Variants in GLCCI1 observed in about 807,000 individuals in gnomAD.
The protein encoded by GLCCI1 is glucocorticoid induced 1.
Under a neutral mutation model 52.2 loss-of-function variants are expected in GLCCI1, and 24 were observed. That is an observed-to-expected ratio of 0.46 (90% confidence interval 0.33 to 0.65). The LOEUF is 0.65. GLCCI1 is among the 30% of genes least tolerant of loss of function. GLCCI1 has a pLI of 0.02. For missense variants in GLCCI1, 704 were observed against 701.5 expected (o/e 1.00, Z -0.04); for synonymous variants, 310 against 276.5 (o/e 1.12, Z -1.20).
At chr7:8,048,564 G>A (rs144973910) in intron 3 of GLCCI1, among the ~76,000 whole-genome samples, 1,693 of 152,170 alleles carry the variant, frequency 0.011, 19 homozygotes, top group Non-Finnish European at 0.017. Context: ...ACATACATGA[G>A]TCTTTCCAAG....
chr7:8,039,318 C>A (rs995570137), intron 3 of GLCCI1, among the ~76,000 whole-genome samples: 11 of 151,960 alleles, frequency 7.2e-5, no homozygotes, highest in Non-Finnish European at 1.6e-4. Context: ...ACACTATTCA[C>A]GGTAGCAAAG....
At position 8,071,072 on chromosome 7, in the gene GLCCI1, C is replaced by G. The variant is rs537920233; in HGVS notation, c.1118C>G (p.Pro373Arg). The change falls in exon 6 of 8, where the codon CCG becomes CGG. Residue 373 changes from proline (P) to arginine (R), a missense_variant. Coordinates refer to ENST00000223145, the MANE Select transcript of GLCCI1 (RefSeq NM_138426.4). ...CCCTGTGTCTCCCCTTTTTGTCCCC[C>G]GGAATCCCAGGATGGTAGCCCTTGC... ...HSPCVSPFCPPESQDGSPCST... is the reference protein window; with the variant it reads ...HSPCVSPFCPRESQDGSPCST... The G allele has an allele frequency of 3.1e-6, 5 of 1,614,044 alleles. No individual in the cohort carries two copies. The highest frequency in any genetic ancestry group is 1.3e-5 in the African/African-American group (1 of 74,934).
chr7:7,987,759 T>C (rs1780764126), intron 1 of GLCCI1, among the ~76,000 whole-genome samples: 1 of 151,776 alleles, frequency 6.6e-6, no homozygotes, highest in South Asian at 2.1e-4. Context: ...GGCTAATTTA[T>C]TTTTTATTTT....
intron 1 of GLCCI1, among the ~76,000 whole-genome samples, chr7:8,000,835 G>C (rs1430892021): frequency 6.6e-6 from 1 of 152,064 alleles, no homozygotes; most frequent in African/African-American, 2.4e-5. Context: ...TTTAAAGTCT[G>C]TTTTATCAGA....
At chr7:8,039,848 T>C (rs1781956581) in intron 3 of GLCCI1, among the ~76,000 whole-genome samples, 1 of 151,828 alleles carries the variant, frequency 6.6e-6, no homozygotes, top group Non-Finnish European at 1.5e-5. Context: ...AATACAAAAA[T>C]TAGCTTGGCA....
chr7:8,005,901 T>C (rs1172028589), intron 2 of GLCCI1, among the ~76,000 whole-genome samples: 1 of 152,024 alleles, frequency 6.6e-6, no homozygotes, highest in Non-Finnish European at 1.5e-5. Context: ...CAGGTTCAAG[T>C]GATTCTCCTG....
intron 5 of GLCCI1, among the ~76,000 whole-genome samples, chr7:8,061,749 C>T (rs1782521582): frequency 7.0e-6 from 1 of 141,888 alleles, no homozygotes; most frequent in Non-Finnish European, 1.5e-5. Context: ...TCACTGTAAC[C>T]TCCTCCTCCC....
intron 1 of GLCCI1, among the ~76,000 whole-genome samples, chr7:7,991,344 CTG>C (rs1258050802): frequency 1.3e-5 from 2 of 152,102 alleles, no homozygotes; most frequent in East Asian, 3.9e-4. Flanking sequence ...GTCTAGGAGA[CTG>C]TTGTGTTTTC....
chr7:8,016,915 A>G (rs548311349), intron 2 of GLCCI1, among the ~76,000 whole-genome samples: 3 of 152,230 alleles, frequency 2.0e-5, no homozygotes, highest in African/African-American at 7.2e-5. Context: ...TGATTATACA[A>G]TTATGAACAT....
chr7:7,970,483 G>A (rs1180899515), intron 1 of GLCCI1: 1 of 139,330 alleles, frequency 7.2e-6, no homozygotes, highest in Non-Finnish European at 1.5e-5. Context: ...GAAACAGTTT[G>A]TGCTCTACCG....
chr7:8,027,935 T>G (rs1055378525), intron 3 of GLCCI1, among the ~76,000 whole-genome samples: 2 of 152,142 alleles, frequency 1.3e-5, no homozygotes, highest in Non-Finnish European at 2.9e-5. Context: ...TAAGTATATA[T>G]GTACTGGAGC....
intron 5 of GLCCI1, among the ~76,000 whole-genome samples, chr7:8,069,137 C>G (rs946946470): frequency 6.6e-6 from 1 of 152,176 alleles, no homozygotes; most frequent in Non-Finnish European, 1.5e-5. Context: ...GCTTTATGTT[C>G]TCTCCCAGCT....
In GLCCI1 at chr7:7,969,298, C is replaced by T. The variant is rs1371891598; in HGVS notation, c.-53C>T. 1.2e-5 allele frequency: 16 copies of T among 1,360,038 alleles called. No homozygotes were observed. Among genetic ancestry groups the T allele is most frequent in the African/African-American group, 1.5e-5 (1 of 64,962 alleles). 84.2% of individuals were successfully genotyped at this position (1,360,038 alleles called of 1,614,324 possible). A position where few individuals can be genotyped will look rare whatever the true frequency, so the allele number is the denominator to read the frequency against. Reference sequence around the variant, plus strand: ...CCGGCTCCCACACGCTCGCGCGCCTCCCGCCCCGCGCCTCCGTGTCGGCCG... The same window carrying T: ...CCGGCTCCCACACGCTCGCGCGCCTTCCGCCCCGCGCCTCCGTGTCGGCCG... On this transcript the variant is annotated 5_prime_UTR_variant, in exon 1 of 8. Coordinates refer to ENST00000223145, the MANE Select transcript of GLCCI1 (RefSeq NM_138426.4). The surrounding 1 kb of genome is among the most constrained non-coding windows in gnomAD (Gnocchi z 4.9).
At chr7:8,078,919 A>G (rs1368538411) in intron 6 of GLCCI1, among the ~76,000 whole-genome samples, 1 of 152,260 alleles carries the variant, frequency 6.6e-6, no homozygotes, top group Non-Finnish European at 1.5e-5. Flanking sequence ...TAAAGACATT[A>G]TAATACCATT....
chr7:7,988,451 T>C (rs1024860844), intron 1 of GLCCI1, among the ~76,000 whole-genome samples: 1 of 152,228 alleles, frequency 6.6e-6, no homozygotes, highest in African/African-American at 2.4e-5. Flanking sequence ...TGCACTCCTC[T>C]AAAAGCCTAT....
At chr7:8,013,000 C>G (rs1306132692) in intron 2 of GLCCI1, among the ~76,000 whole-genome samples, 4 of 152,138 alleles carry the variant, frequency 2.6e-5, no homozygotes, top group African/African-American at 7.2e-5. Context: ...ATATCCAGTT[C>G]TCCCAGCACC....
intron 2 of GLCCI1, among the ~76,000 whole-genome samples, chr7:8,016,834 G>C (rs1002245958): frequency 3.9e-5 from 6 of 152,130 alleles, no homozygotes; most frequent in African/African-American, 1.4e-4. Context: ...GTATTTTACT[G>C]TTACCGGGTT....
At chr7:7,976,737 C>T (rs1009408831) in intron 1 of GLCCI1, among the ~76,000 whole-genome samples, 1 of 151,354 alleles carries the variant, frequency 6.6e-6, no homozygotes, top group East Asian at 1.9e-4. Context: ...CATGACAAGA[C>T]CTTGCCTCTG....
At chr7:8,013,725 T>A (rs149715849) in intron 2 of GLCCI1, among the ~76,000 whole-genome samples, 2 of 152,348 alleles carry the variant, frequency 1.3e-5, no homozygotes, top group East Asian at 3.9e-4. Context: ...GTTAAACTTA[T>A]ATCTAAATAT....
Sources: allele counts gnomAD v4.1 joint callset (sites outside exome capture counted in the v4.1 genomes callset), GRCh38; gene constraint gnomAD v4.1.1; non-coding constraint Gnocchi (gnomAD v3.1); transcripts MANE v1.5; gene names NCBI Gene and HGNC (gene_info 2026-07-23, HGNC 2026-07-21).